Variants in OLR1 observed in about 807,000 individuals in gnomAD.
OLR1 encodes the protein oxidized low-density lipoprotein receptor 1.
Under a neutral mutation model 31.7 loss-of-function variants are expected in OLR1, and 23 were observed. The observed-to-expected ratio is 0.72, with a 90% CI of 0.52 to 1.03. The LOEUF is 1.03. OLR1 is among the 50% of genes least tolerant of loss of function. The pLI, the probability that OLR1 is intolerant of heterozygous loss-of-function variation, is 0.00. For synonymous variants in OLR1, 117 were observed against 115.8 expected (o/e 1.01, Z -0.07); for missense variants, 286 against 315.7 (o/e 0.91, Z 0.71).
At chr12:10,163,198 A>G (rs6488265) in intron 3 of OLR1, among the ~76,000 whole-genome samples, 83,437 of 151,824 alleles carry the variant, frequency 0.55, 23,781 homozygotes, top group Middle Eastern at 0.72. Flanking sequence ...ACAAATAGAG[A>G]AGAATCTGGA....
chr12:10,166,469 A>G (rs1948662714), intron 3 of OLR1, among the ~76,000 whole-genome samples: 1 of 151,832 alleles, frequency 6.6e-6, no homozygotes, highest in Non-Finnish European at 1.5e-5. Context: ...TGGAGGTTGC[A>G]GTGAGCAGAG....
chr12:10,168,819 GAAACA>G (rs1041866903), intron 2 of OLR1, among the ~76,000 whole-genome samples: 7 of 151,888 alleles, frequency 4.6e-5, no homozygotes, highest in African/African-American at 1.2e-4. Flanking sequence ...GAAAACAAAA[GAAACA>G]AAACAAAACA....
At chr12:10,161,946 A>ATATATATATATATATATATAT (rs35023147) in intron 3 of OLR1, among the ~76,000 whole-genome samples, 5 of 82,116 alleles carry the variant, frequency 6.1e-5, no homozygotes, top group African/African-American at 1.5e-4. Context: ...TATATATATA[A>ATATATATATATATATATATAT]AAAACACATA....
At position 10,158,928 on chromosome 12, in the gene OLR1, ATC is replaced by A. The variant is rs1201731329; in HGVS notation, c.*950_*951del. 3 of 152,216 alleles carry A rather than the reference ATC, an allele frequency of 2.0e-5. No homozygotes were observed. The highest frequency in any genetic ancestry group is 7.2e-5 in the African/African-American group (3 of 41,458). 9.4% of individuals were successfully genotyped at this position (152,216 alleles called of 1,614,324 possible). On this transcript the variant is annotated 3_prime_UTR_variant, in exon 6 of 6. Transcript: ENST00000309539. The stretch of plus-strand genomic sequence containing the variant: ...AAATAGAAGATATATTTCTAATTCC[ATC>A]TGTTTCTATTCAGCGATATTTGCAT...
intron 3 of OLR1, among the ~76,000 whole-genome samples, chr12:10,162,231 T>G (rs1948626738): frequency 6.6e-6 from 1 of 152,096 alleles, no homozygotes; most frequent in South Asian, 2.1e-4. Context: ...AGTACTCTGG[T>G]CTACACTACA....
At chr12:10,160,226 C>G in intron 5 of OLR1, 121 bp downstream of exon 5, 1 of 933,964 alleles carries the variant, frequency 1.1e-6, no homozygotes, top group Non-Finnish European at 1.6e-6. Flanking sequence ...TGAGAAATTC[C>G]CCCAAGCTTC....
At chr12:10,164,506 G>C (rs543262839) in intron 3 of OLR1, among the ~76,000 whole-genome samples, 1 of 152,276 alleles carries the variant, frequency 6.6e-6, no homozygotes, top group East Asian at 1.9e-4. Context: ...AGGTATCTGT[G>C]AACTATTATT....
At chr12:10,170,471 T>C (rs1356683806) in intron 1 of OLR1, 1 of 149,984 alleles carries the variant, frequency 6.7e-6, no homozygotes, top group Non-Finnish European at 1.5e-5. Flanking sequence ...TTGTAGGGCA[T>C]CAGATACCCT....
chr12:10,165,033 C>T (rs554280477), intron 3 of OLR1, among the ~76,000 whole-genome samples: 134 of 152,222 alleles, frequency 8.8e-4, no homozygotes, highest in Middle Eastern at 3.4e-3. Flanking sequence ...GAGGCCGAGG[C>T]GGGCGGATCA....
upstream of OLR1, among the ~76,000 whole-genome samples, chr12:10,172,717 A>G (rs1948733608): frequency 1.3e-5 from 2 of 152,220 alleles, no homozygotes; most frequent in Non-Finnish European, 2.9e-5. Context: ...TTGAATGCAG[A>G]AAGAGCTAGT....
At chr12:10,165,613 G>A (rs532715120) in intron 3 of OLR1, among the ~76,000 whole-genome samples, 1 of 151,690 alleles carries the variant, frequency 6.6e-6, no homozygotes, top group South Asian at 2.1e-4. Flanking sequence ...ATGGGGTGGG[G>A]GTGGCAGAAT....
chr12:10,175,571 A>G (rs950366542), upstream of OLR1: 1 of 152,246 alleles, frequency 6.6e-6, no homozygotes, highest in African/African-American at 2.4e-5. Flanking sequence ...AAAACATTCT[A>G]TGATAAACTG....
At chr12:10,168,558 G>A (rs371391382) in intron 2 of OLR1, among the ~76,000 whole-genome samples, 1 of 152,116 alleles carries the variant, frequency 6.6e-6, no homozygotes, top group East Asian at 1.9e-4. Context: ...CAATGGTGCA[G>A]TCTCAGCTCA....
intron 1 of OLR1, among the ~76,000 whole-genome samples, chr12:10,169,710 A>T (rs576643962): frequency 6.6e-6 from 1 of 152,362 alleles, no homozygotes; most frequent in Non-Finnish European, 1.5e-5. Flanking sequence ...ATGCTATTCA[A>T]TTATGAGTCC....
At chr12:10,164,120 T>C (rs1948642161) in intron 3 of OLR1, among the ~76,000 whole-genome samples, 1 of 152,252 alleles carries the variant, frequency 6.6e-6, no homozygotes, top group Non-Finnish European at 1.5e-5. Context: ...TGAATGGTCC[T>C]GATGTAGATT....
At chr12:10,169,323 C>T in intron 1 of OLR1, 148 bp from the exon 2 acceptor site, 1 of 482,626 alleles carries the variant, frequency 2.1e-6, no homozygotes, top group African/African-American at 1.9e-5. Context: ...ACCACTAGTC[C>T]TCCAAATGGC....
upstream of OLR1, among the ~76,000 whole-genome samples, chr12:10,174,824 A>G (rs911399568): frequency 6.6e-6 from 1 of 152,216 alleles, no homozygotes; most frequent in Admixed American, 6.5e-5. Flanking sequence ...TACTGGTGGA[A>G]TCATATAATA....
chr12:10,163,872 A>C (rs1347381582), intron 3 of OLR1, among the ~76,000 whole-genome samples: 1 of 152,112 alleles, frequency 6.6e-6, no homozygotes, highest in Non-Finnish European at 1.5e-5. Context: ...CGGAGGTTGC[A>C]GTGAGCCTAG....
upstream of OLR1, among the ~76,000 whole-genome samples, chr12:10,173,306 A>G (rs1245894487): frequency 8.3e-6 from 1 of 120,390 alleles, no homozygotes; most frequent in African/African-American, 2.8e-5. Flanking sequence ...TTACTCCAGG[A>G]AAAAAAAGTG....
Sources: allele counts gnomAD v4.1 joint callset (sites outside exome capture counted in the v4.1 genomes callset), GRCh38; gene constraint gnomAD v4.1.1; transcripts MANE v1.5; gene names NCBI Gene and HGNC (gene_info 2026-07-23, HGNC 2026-07-21).